Variants in TRHDE observed in about 807,000 individuals in gnomAD.
TRHDE encodes the protein thyrotropin-releasing hormone-degrading ectoenzyme.
TRHDE carries 72 observed loss-of-function variants against 125.7 expected under a neutral mutation model. That is an observed-to-expected ratio of 0.57 (90% CI 0.47 to 0.70). The LOEUF (loss-of-function observed/expected upper bound fraction) is 0.70, where lower values mean the gene tolerates loss of function less well. Among genes scored for constraint, TRHDE ranks in the 30% least tolerant of loss-of-function variants. TRHDE has a pLI of 0.00. For synonymous variants in TRHDE, 509 were observed against 509.1 expected (o/e 1.00, Z 0.00); for missense variants, 1,110 against 1,327.1 (o/e 0.84, Z 2.54).
At chr12:72,622,668 G>A (rs1873101325) in intron 15 of TRHDE, among the ~76,000 whole-genome samples, 1 of 152,048 alleles carries the variant, frequency 6.6e-6, no homozygotes, top group African/African-American at 2.4e-5. Context: ...GTTAAACTTA[G>A]AGAACCGCAG....
intron 7 of TRHDE, among the ~76,000 whole-genome samples, chr12:72,551,467 A>G (rs1019973787): frequency 6.6e-6 from 1 of 152,168 alleles, no homozygotes; most frequent in Non-Finnish European, 1.5e-5. Flanking sequence ...AATAACACAT[A>G]TAAGTGTTAA....
chr12:72,517,496 T>G (rs1360026443), intron 6 of TRHDE, among the ~76,000 whole-genome samples: 1 of 152,166 alleles, frequency 6.6e-6, no homozygotes, highest in Non-Finnish European at 1.5e-5. Context: ...TGATATCCCC[T>G]TTATCATTTT....
intron 3 of TRHDE, among the ~76,000 whole-genome samples, chr12:72,421,220 C>T (rs564514384): frequency 1.3e-5 from 2 of 152,294 alleles, no homozygotes; most frequent in South Asian, 2.1e-4. Flanking sequence ...TTGTTACACT[C>T]ATGAGTGTGT....
chr12:72,642,024 G>A (rs546648904), intron 15 of TRHDE, among the ~76,000 whole-genome samples: 16 of 152,240 alleles, frequency 1.1e-4, no homozygotes, highest in African/African-American at 3.9e-4. Context: ...TTGTTTTTTA[G>A]CCCTGTTTCT....
chr12:72,532,738 T>C (rs1367380215), intron 6 of TRHDE, among the ~76,000 whole-genome samples: 3 of 150,626 alleles, frequency 2.0e-5, no homozygotes, highest in Middle Eastern at 3.8e-3. Context: ...GAATGAATTC[T>C]ACTTAAATAT....
chr12:72,641,783 A>G, intron 15 of TRHDE, among the ~76,000 whole-genome samples: 1 of 152,032 alleles, frequency 6.6e-6, no homozygotes, highest in East Asian at 1.9e-4. Flanking sequence ...TAACTAAAAT[A>G]CCAATTCACT....
intron 2 of TRHDE, among the ~76,000 whole-genome samples, chr12:72,227,429 C>G (rs1286904609): frequency 6.6e-6 from 1 of 152,120 alleles, no homozygotes; most frequent in Non-Finnish European, 1.5e-5. Flanking sequence ...ATCACAAGAA[C>G]AGCATGGGAA....
In TRHDE at chr12:72,118,350, C is replaced by T. The variant is rs544398046; in HGVS notation, n.279+12598C>T. On this transcript the variant is annotated intron_variant and non_coding_transcript_variant, in intron 2 of 4. Coordinates refer to the TRHDE transcript ENST00000548156. ...CCTTCATTCTGTTGATACAATATATCACCTTGTTTGATTTACATATGTTGA... is the reference window on the plus strand; with the variant it reads ...CCTTCATTCTGTTGATACAATATATTACCTTGTTTGATTTACATATGTTGA... Among the ~76,000 whole-genome samples the T allele has an allele frequency of 1.4e-3, 209 of 152,076 alleles. 1 individual carries two copies. Among genetic ancestry groups the T allele is most frequent in the African/African-American group, 4.6e-3 (191 of 41,490 alleles).
intron 15 of TRHDE, among the ~76,000 whole-genome samples, chr12:72,636,644 C>T (rs1201097299): frequency 6.6e-6 from 1 of 152,164 alleles, no homozygotes; most frequent in Non-Finnish European, 1.5e-5. Flanking sequence ...ATGGGTCTGT[C>T]ATAGATAGCT....
At chr12:72,475,406 T>A (rs574191710) in intron 5 of TRHDE, among the ~76,000 whole-genome samples, 1 of 152,196 alleles carries the variant, frequency 6.6e-6, no homozygotes, top group Non-Finnish European at 1.5e-5. Flanking sequence ...TAAAATTCTT[T>A]CTATTCACCA....
At chr12:72,426,726 A>T (rs533789232) in intron 3 of TRHDE, among the ~76,000 whole-genome samples, 94 of 152,164 alleles carry the variant, frequency 6.2e-4, no homozygotes, top group African/African-American at 2.2e-3. Context: ...TTTAAAAAAA[A>T]AAAACCAGTT....
At chr12:72,167,927 G>T (rs747922520) in intron 2 of TRHDE, among the ~76,000 whole-genome samples, 13 of 152,182 alleles carry the variant, frequency 8.5e-5, no homozygotes, top group Non-Finnish European at 1.6e-4. Context: ...TTAACTGGAA[G>T]ACGAAACTAT....
In TRHDE at chr12:72,273,982, G is replaced by A; in HGVS notation, c.914+425G>A. On this transcript the variant is annotated intron_variant, in intron 1 of 18. Coordinates refer to ENST00000261180, the MANE Select transcript of TRHDE (RefSeq NM_013381.3). The surrounding 1 kb of genome is among the most constrained non-coding windows in gnomAD (Gnocchi z 5.3). ...GACAACAGCGCATCCAGGTTAGCAT[G>A]TCAGGGCAGGTCAGGGACACACCGT... The A allele has an allele frequency of 5.5e-6, 1 of 181,672 alleles. No homozygotes were observed. Among genetic ancestry groups the A allele is most frequent in the South Asian group, 1.3e-4 (1 of 7,546 alleles). The allele number at this position is 181,672 out of a possible 1,614,324, so 11.3% of individuals were successfully genotyped here. A position where few individuals can be genotyped will look rare whatever the true frequency, so the allele number is the denominator to read the frequency against.
At chr12:72,400,772 A>G (rs1319988492) in intron 3 of TRHDE, among the ~76,000 whole-genome samples, 1 of 152,136 alleles carries the variant, frequency 6.6e-6, no homozygotes, top group South Asian at 2.1e-4. Flanking sequence ...TCTTAATTAG[A>G]GAAGCTATGA....
intron 2 of TRHDE, among the ~76,000 whole-genome samples, chr12:72,113,261 T>C (rs995534711): frequency 1.3e-5 from 2 of 151,944 alleles, no homozygotes; most frequent in Admixed American, 6.6e-5. Context: ...TCAAGTGATC[T>C]GCCCACTGTG....
chr12:72,508,596 T>C (rs1037379374), intron 6 of TRHDE, among the ~76,000 whole-genome samples: 1 of 152,200 alleles, frequency 6.6e-6, no homozygotes, highest in African/African-American at 2.4e-5. Context: ...TGTTTGGATT[T>C]TATAGGCTTA....
intron 2 of TRHDE, among the ~76,000 whole-genome samples, chr12:72,239,936 G>A (rs553647487): frequency 1.3e-5 from 2 of 152,142 alleles, no homozygotes; most frequent in Non-Finnish European, 1.5e-5. Context: ...AATTTTAATA[G>A]TGCTTCTTTT....
At chr12:72,386,356 T>C (rs1466436400) in intron 3 of TRHDE, among the ~76,000 whole-genome samples, 5 of 152,316 alleles carry the variant, frequency 3.3e-5, no homozygotes, top group Non-Finnish European at 7.4e-5. Flanking sequence ...TTAGCCTTTT[T>C]CCTTATACTC....
chr12:72,459,266 A>T (rs1357786081), intron 3 of TRHDE, among the ~76,000 whole-genome samples: 1 of 152,252 alleles, frequency 6.6e-6, no homozygotes, highest in African/African-American at 2.4e-5. Flanking sequence ...TATTCTTCCC[A>T]TCTTAATTTC....
Sources: allele counts gnomAD v4.1 joint callset (sites outside exome capture counted in the v4.1 genomes callset), GRCh38; gene constraint gnomAD v4.1.1; non-coding constraint Gnocchi (gnomAD v3.1); transcripts MANE v1.5; gene names NCBI Gene and HGNC (gene_info 2026-07-23, HGNC 2026-07-21).